CNTN4: variants seen among roughly 807,000 people sequenced by gnomAD.
CNTN4 encodes contactin 4.
In CNTN4, 77 loss-of-function variants were observed where a neutral mutation model predicts 122.5. The ratio of observed to expected loss-of-function variants is 0.63; its 90% CI spans 0.52 to 0.76. The LOEUF is 0.76. CNTN4 is among the 30% of genes least tolerant of loss of function. CNTN4 has a pLI of 0.00. For missense variants in CNTN4, 1,256 were observed against 1,259.1 expected (o/e 1.00, Z 0.04); for synonymous variants, 512 against 447.0 (o/e 1.15, Z -1.83).
intron 13 of CNTN4, among the ~76,000 whole-genome samples, chr3:2,977,877 T>C (rs529888368): frequency 2.6e-5 from 4 of 152,110 alleles, no homozygotes; most frequent in African/African-American, 9.7e-5. Context: ...GATGTCCTTA[T>C]GTAAGGAGAG....
chr3:2,161,228 G>C (rs1280199391), intron 2 of CNTN4, among the ~76,000 whole-genome samples: 1 of 152,108 alleles, frequency 6.6e-6, no homozygotes, highest in East Asian at 1.9e-4. Context: ...TGGAGGATAA[G>C]GGTGGAAAGG....
In CNTN4 at chr3:3,030,991, G is replaced by A; in HGVS notation, c.1783+16G>A. On this transcript the variant is annotated intron_variant, in intron 16 of 24. Transcript: ENST00000418658. Reference sequence around the variant, plus strand: ...ATTGTAAGAGGTACTGGATTTTGTTGTTATTGTTGTTCTTGAAATATTTTC... The same window carrying A: ...ATTGTAAGAGGTACTGGATTTTGTTATTATTGTTGTTCTTGAAATATTTTC... 4 of 1,613,874 alleles carry A rather than the reference G, an allele frequency of 2.5e-6. No individual in the cohort carries two copies. Among genetic ancestry groups the A allele is most frequent in the East Asian group, 4.5e-5 (2 of 44,884 alleles).
rs187300359 is a variant in CNTN4 at position 2,820,092 on chromosome 3, C to T, written c.454+511C>T. 5.9e-5 allele frequency among the ~76,000 whole-genome samples: 9 copies of T among 152,246 alleles called. No individual in the cohort carries two copies. In the East Asian group the frequency reaches 1.7e-3, roughly 29 times the overall value. On this transcript the variant is annotated intron_variant, in intron 7 of 24. Transcript: ENST00000418658. The stretch of plus-strand genomic sequence containing the variant: ...TTGACAGTAACTACCCCATTAACTA[C>T]TCTGGGATGGTTAGTGTCAGAACTC...
chr3:2,698,254 G>A (rs975527176), intron 4 of CNTN4, among the ~76,000 whole-genome samples: 1 of 152,128 alleles, frequency 6.6e-6, no homozygotes, highest in Non-Finnish European at 1.5e-5. Context: ...ATGGCTATGA[G>A]AAAATTGAAT....
intron 2 of CNTN4, among the ~76,000 whole-genome samples, chr3:2,288,460 A>G (rs2042019160): frequency 6.6e-6 from 1 of 152,174 alleles, no homozygotes; most frequent in South Asian, 2.1e-4. Context: ...GCACTAAGCC[A>G]TTTTTGAGGT....
In CNTN4 at chr3:2,779,006, C is replaced by G. The variant is rs147950172; in HGVS notation, c.358+33309C>G. Among the ~76,000 whole-genome samples the G allele has an allele frequency of 9.4e-4, 143 of 152,254 alleles. 2 individuals carry two copies. The highest frequency in any genetic ancestry group is 3.2e-3 in the African/African-American group (134 of 41,558). On this transcript the variant is annotated intron_variant, in intron 6 of 24. Transcript: ENST00000418658. ...AGCTCAGACTCTTTACTGTGTTAGC[C>G]TCTTAATGCCCCATAGTAGCATTTA...
At chr3:2,447,053 T>A (rs1336344061) in intron 3 of CNTN4, among the ~76,000 whole-genome samples, 1 of 152,192 alleles carries the variant, frequency 6.6e-6, no homozygotes, top group Non-Finnish European at 1.5e-5. Context: ...AAGAAAAAAT[T>A]ATGGGAGTTT....
intron 2 of CNTN4, among the ~76,000 whole-genome samples, chr3:2,242,906 G>C (rs2039999795): frequency 6.6e-6 from 1 of 152,082 alleles, no homozygotes; most frequent in African/African-American, 2.4e-5. Context: ...TACTGATATA[G>C]ATATTCCAAA....
At chr3:2,258,376 A>G (rs1246136299) in intron 2 of CNTN4, among the ~76,000 whole-genome samples, 1 of 151,988 alleles carries the variant, frequency 6.6e-6, no homozygotes, top group Non-Finnish European at 1.5e-5. Flanking sequence ...GGGCTTTCTG[A>G]TCTTTTGATT....
At chr3:2,248,834 G>C (rs1295699917) in intron 2 of CNTN4, among the ~76,000 whole-genome samples, 1 of 151,906 alleles carries the variant, frequency 6.6e-6, no homozygotes, top group Admixed American at 6.6e-5. Context: ...ATATTCGTGT[G>C]GGCTTGGTGT....
intron 13 of CNTN4, among the ~76,000 whole-genome samples, chr3:2,937,150 C>T (rs73805457): frequency 0.018 from 2,739 of 152,262 alleles, 79 homozygotes; most frequent in African/African-American, 0.062. Flanking sequence ...TTTGCTGTGC[C>T]TTTTATTTGT....
chr3:2,256,478 G>T (rs1431507442), intron 2 of CNTN4, among the ~76,000 whole-genome samples: 1 of 152,108 alleles, frequency 6.6e-6, no homozygotes, highest in East Asian at 1.9e-4. Context: ...ACCTGGCAGA[G>T]ACACAACAAA....
At chr3:2,916,294 A>G (rs2094353447) in intron 12 of CNTN4, among the ~76,000 whole-genome samples, 2 of 151,600 alleles carry the variant, frequency 1.3e-5, no homozygotes, top group South Asian at 2.1e-4. Context: ...AGGGAAGGTC[A>G]GCAGATAAAC....
At chr3:2,181,221 A>G (rs1251287823) in intron 2 of CNTN4, among the ~76,000 whole-genome samples, 1 of 152,118 alleles carries the variant, frequency 6.6e-6, no homozygotes, top group Non-Finnish European at 1.5e-5. Flanking sequence ...GAATAAAAGC[A>G]CAATTCCTTA....
rs574319818 is a variant in CNTN4 at position 2,429,464 on chromosome 3, C to T, written c.-89+90231C>T. On this transcript the variant is annotated intron_variant, in intron 3 of 24. Transcript: ENST00000418658. ...GGAAGCTTCGTCTCAGATGGGCACC[C>T]GGCCATATGAGGTGTCAGTCGGCCC... Among the ~76,000 whole-genome samples the T allele has an allele frequency of 4.7e-4, 71 of 152,278 alleles. 1 individual carries two copies. The highest frequency in any genetic ancestry group is 1.6e-3 in the African/African-American group (65 of 41,552).
At chr3:2,414,354 T>C (rs2047336972) in intron 3 of CNTN4, among the ~76,000 whole-genome samples, 1 of 152,182 alleles carries the variant, frequency 6.6e-6, no homozygotes. Flanking sequence ...AAATTTCTCA[T>C]TAAATGAAGT....
chr3:2,197,974 C>T (rs902188841), intron 2 of CNTN4, among the ~76,000 whole-genome samples: 1 of 151,286 alleles, frequency 6.6e-6, no homozygotes, highest in Non-Finnish European at 1.5e-5. Flanking sequence ...GAGATCACAC[C>T]ACTGCACTCC....
intron 7 of CNTN4, among the ~76,000 whole-genome samples, chr3:2,820,721 A>G (rs954125222): frequency 3.9e-5 from 6 of 152,112 alleles, no homozygotes; most frequent in African/African-American, 9.7e-5. Flanking sequence ...CTTCTCAGCA[A>G]TATCACTCAG....
chr3:2,128,212 G>A (rs1559269947), intron 2 of CNTN4, among the ~76,000 whole-genome samples: 1 of 152,132 alleles, frequency 6.6e-6, no homozygotes, highest in Non-Finnish European at 1.5e-5. Flanking sequence ...ACATTTACCT[G>A]CTGATTGCAA....
Sources: gnomAD v4.1 joint callset for allele counts (sites outside exome capture counted in the v4.1 genomes callset) on GRCh38, gnomAD v4.1.1 for gene constraint, MANE v1.5 for transcripts, NCBI Gene and HGNC (gene_info 2026-07-23, HGNC 2026-07-21) for gene names.